Variants in ARHGAP40 observed in about 807,000 individuals in gnomAD.
The protein encoded by ARHGAP40 is Rho GTPase activating protein 40, also known as rho GTPase-activating protein 40.
Under a neutral mutation model 73.5 loss-of-function variants are expected in ARHGAP40, and 43 were observed. The ratio of observed to expected loss-of-function variants is 0.58; its 90% confidence interval spans 0.46 to 0.75. ARHGAP40 has a LOEUF of 0.75. Ranked by LOEUF, ARHGAP40 falls within the 30% of genes least tolerant of loss-of-function variation. The probability of loss-of-function intolerance (pLI) is 0.00; values close to 1 mark genes in which losing one functional copy is unlikely to be tolerated. For missense variants in ARHGAP40, 734 were observed against 861.8 expected (o/e 0.85, Z 1.86); for synonymous variants, 300 against 352.8 (o/e 0.85, Z 1.68).
exon 2 of ARHGAP40, chr20:38,623,462 A>C: frequency 7.7e-7 from 1 of 1,290,962 alleles, no homozygotes; most frequent in South Asian, 1.2e-5. Flanking sequence ...GGAGAGCTCC[A>C]GCATGGATGG....
chr20:38,650,059 A>G (rs543645681), exon 15 of ARHGAP40: 201 of 363,756 alleles, frequency 5.5e-4, no homozygotes, highest in African/African-American at 4.1e-3. Flanking sequence ...CTAGGGCCTC[A>G]GGGAGGGGAG....
chr20:38,614,366 T>TTTC (rs1569008362), intron 1 of ARHGAP40, among the ~76,000 whole-genome samples: 64 of 152,294 alleles, frequency 4.2e-4, no homozygotes, highest in African/African-American at 1.5e-3. Flanking sequence ...TTCTTTCTTT[T>TTTC]TTTTTGAGTT....
intron 1 of ARHGAP40, among the ~76,000 whole-genome samples, chr20:38,617,598 G>A (rs1172617532): frequency 6.6e-6 from 1 of 152,214 alleles, no homozygotes; most frequent in Non-Finnish European, 1.5e-5. Context: ...GAAAGTTCAT[G>A]TGTGTGGAGA....
intron 1 of ARHGAP40, among the ~76,000 whole-genome samples, chr20:38,605,652 C>T (rs766821091): frequency 1.3e-5 from 2 of 152,102 alleles, no homozygotes; most frequent in Admixed American, 6.5e-5. Flanking sequence ...CCACCTGCCC[C>T]TCCCACCTCC....
At chr20:38,626,769 T>C (rs1352351985) in intron 2 of ARHGAP40, among the ~76,000 whole-genome samples, 1 of 152,178 alleles carries the variant, frequency 6.6e-6, no homozygotes, top group African/African-American at 2.4e-5. Flanking sequence ...TTGACATCCA[T>C]ACACTGGCTA....
chr20:38,627,663 G>T (rs1352167383), intron 3 of ARHGAP40, among the ~76,000 whole-genome samples: 4 of 94,458 alleles, frequency 4.2e-5, no homozygotes, highest in African/African-American at 1.4e-4. Flanking sequence ...GGTGTGTGTG[G>T]GGGTGTGTTG....
chr20:38,614,761 G>A (rs2088824779), intron 1 of ARHGAP40, among the ~76,000 whole-genome samples: 1 of 152,214 alleles, frequency 6.6e-6, no homozygotes, highest in Admixed American at 6.5e-5. Flanking sequence ...CCACAAACTT[G>A]TTGCTTCTCC....
At chr20:38,627,750 C>T (rs1433499498) in intron 3 of ARHGAP40, among the ~76,000 whole-genome samples, 3 of 151,546 alleles carry the variant, frequency 2.0e-5, no homozygotes, top group Non-Finnish European at 4.4e-5. Flanking sequence ...CCCTGCCTTC[C>T]ACTATGTCCC....
intron 11 of ARHGAP40, among the ~76,000 whole-genome samples, chr20:38,645,711 T>A (rs971880552): frequency 6.6e-6 from 1 of 151,946 alleles, no homozygotes; most frequent in East Asian, 1.9e-4. Context: ...CTGCTCCAGG[T>A]GTGTTTTGGG....
chr20:38,634,245 A>C (rs758094442), intron 5 of ARHGAP40, among the ~76,000 whole-genome samples: 32 of 152,092 alleles, frequency 2.1e-4, no homozygotes, highest in Non-Finnish European at 1.6e-4. Flanking sequence ...CCAGCTACTC[A>C]GGAGGCTGAG....
At chr20:38,616,633 G>A (rs1569009098) in intron 1 of ARHGAP40, among the ~76,000 whole-genome samples, 1 of 152,228 alleles carries the variant, frequency 6.6e-6, no homozygotes, top group Admixed American at 6.5e-5. Flanking sequence ...AGGTAACCTT[G>A]CAGAAGTCAC....
chr20:38,603,311 G>A (rs1279586642), intron 1 of ARHGAP40, among the ~76,000 whole-genome samples: 1 of 152,234 alleles, frequency 6.6e-6, no homozygotes, highest in Non-Finnish European at 1.5e-5. Flanking sequence ...GAGCTCCTAT[G>A]TGCGTGGGGC....
intron 1 of ARHGAP40, among the ~76,000 whole-genome samples, chr20:38,612,653 G>A (rs1261579482): frequency 1.3e-5 from 2 of 152,022 alleles, no homozygotes; most frequent in East Asian, 3.8e-4. Context: ...CTGGGCGAAA[G>A]AGTGGGATTC....
rs1012965447 is a variant in ARHGAP40 at position 38,617,483 on chromosome 20, C to T, written c.138-5876C>T. Among the ~76,000 whole-genome samples the T allele has an allele frequency of 3.9e-5, 6 of 152,094 alleles. No homozygotes were observed. The East Asian group carries it at 5.8e-4, about 15-fold the overall frequency. On this transcript the variant is annotated intron_variant, in intron 1 of 14. Coordinates refer to ENST00000373345, the Ensembl canonical transcript of ARHGAP40. ...TATGGACTTGGAAGCTGAGGTCCAT[C>T]GAGAAAAAGGGACGTGCCCACAGCT...
chr20:38,604,642 C>T (rs1310876446), intron 1 of ARHGAP40, among the ~76,000 whole-genome samples: 3 of 152,096 alleles, frequency 2.0e-5, no homozygotes, highest in Non-Finnish European at 4.4e-5. Context: ...GATCCACCCG[C>T]CTTAGCCTCC....
At chr20:38,627,634 G>T (rs1283608925) in intron 3 of ARHGAP40, among the ~76,000 whole-genome samples, 3 of 93,932 alleles carry the variant, frequency 3.2e-5, no homozygotes, top group Admixed American at 1.1e-4. Context: ...TGTGTGTTGG[G>T]GTGTGTGTGG....
At chr20:38,636,161 A>G (rs1031801949) in intron 6 of ARHGAP40, among the ~76,000 whole-genome samples, 3 of 152,236 alleles carry the variant, frequency 2.0e-5, no homozygotes, top group Non-Finnish European at 4.4e-5. Context: ...GCAAATTCAC[A>G]TGGCAGAGGG....
rs377389372 is a variant in ARHGAP40 at position 38,621,641 on chromosome 20, T to G, written c.138-1718T>G. On this transcript the variant is annotated intron_variant, in intron 1 of 14. Transcript: ENST00000373345. ...ATGTCTGCACACCAAAGTGTTAGCA[T>G]GGAAAACGTGGTCGTAGCCACAGGA... Among the ~76,000 whole-genome samples, 44 of 152,316 alleles carry G rather than the reference T, an allele frequency of 2.9e-4. No homozygotes were observed. The East Asian group carries it at 7.5e-3, about 26-fold the overall frequency.
At chr20:38,613,239 G>A (rs191870013) in intron 1 of ARHGAP40, among the ~76,000 whole-genome samples, 1 of 152,272 alleles carries the variant, frequency 6.6e-6, no homozygotes, top group East Asian at 1.9e-4. Context: ...CTGATCTTCT[G>A]TTGGGAATAT....
Sources: allele counts gnomAD v4.1 joint callset (sites outside exome capture counted in the v4.1 genomes callset), GRCh38; gene constraint gnomAD v4.1.1; transcripts MANE v1.5; gene names NCBI Gene and HGNC (gene_info 2026-07-23, HGNC 2026-07-21).